Variants in HEATR5B observed in about 807,000 individuals in gnomAD.
HEATR5B encodes HEAT repeat-containing protein 5B.
HEATR5B carries 156 observed loss-of-function variants against 224.1 expected under a neutral mutation model. That is an observed-to-expected ratio of 0.70 (90% CI 0.61 to 0.80). HEATR5B has a LOEUF of 0.80. HEATR5B is among the 30% of genes least tolerant of loss of function. The pLI, the probability that HEATR5B is intolerant of heterozygous loss-of-function variation, is 0.00. For missense variants in HEATR5B, 2,323 were observed against 2,535.5 expected, an observed-to-expected ratio of 0.92 and a Z score of 1.80; for synonymous variants, 1,027 against 893.0, an observed-to-expected ratio of 1.15 and a Z score of -2.68.
chr2:36,990,825 T>G lies in HEATR5B; in HGVS notation c.5546-26A>C, dbSNP rs553436169. 3.7e-4 allele frequency: 563 copies of G among 1,527,708 alleles called. 5 individuals are homozygous for G. The South Asian group carries it at 6.2e-3, about 17-fold the overall frequency. The allele number at this position is 1,527,708 out of a possible 1,614,324, so 94.6% of individuals were successfully genotyped here. A position where few individuals can be genotyped will look rare whatever the true frequency, so the allele number is the denominator to read the frequency against. On this transcript the variant is annotated intron_variant, in intron 33 of 35. Transcript: ENST00000233099. ...CTGAAAATGAAAAATGAAAGAAGTG[T>G]GCTGTTTCTAAAACATTTTGGCATT...
intron 35 of HEATR5B, among the ~76,000 whole-genome samples, chr2:36,986,090 A>G (rs1361936167): frequency 1.3e-5 from 2 of 152,212 alleles, no homozygotes; most frequent in African/African-American, 4.8e-5. Flanking sequence ...TTTAAATACT[A>G]GAACGCAATA....
In HEATR5B at chr2:37,060,668, A is replaced by C; in HGVS notation, c.1762T>G (p.Ser588Ala). 1 of 1,614,008 alleles carries C rather than the reference A, an allele frequency of 6.2e-7. No homozygotes were observed. The highest frequency in any genetic ancestry group is 8.5e-7 in the Non-Finnish European group (1 of 1,179,948). ...TTCTCAGCTTCCAATTCCTTTAAGG[A>C]ACGTGGGAAAACATTTCGCCACAAT... ...LLLWRNVFPRSLKELEAEKAR... is the reference protein window; with the variant it reads ...LLLWRNVFPRALKELEAEKAR... Residue 588 changes from serine (S) to alanine (A), a missense_variant, in exon 12 of 36, where the codon TCC (serine) becomes GCC (alanine). Physicochemically the swap from Ser to Ala is moderately conservative, Grantham distance 99. Transcript: ENST00000233099.
chr2:37,079,133 A>G lies in HEATR5B; in HGVS notation c.325T>C (p.Leu109=), dbSNP rs1672401581. 1.3e-6 allele frequency: 2 copies of G among 1,596,498 alleles called. No homozygotes were observed. Among genetic ancestry groups the G allele is most frequent in the African/African-American group, 1.3e-5 (1 of 74,706 alleles). Residue 109 remains leucine, a synonymous_variant, in exon 3 of 36, where the codon TTA becomes CTA. Coordinates refer to ENST00000233099, the MANE Select transcript of HEATR5B (RefSeq NM_019024.3). The stretch of plus-strand genomic sequence containing the variant: ...GTAAGTACTTACAATTTTGTTGGTA[A>G]GTAGGCCGCAGTGTCATCTTTATTT... The part of the protein sequence containing the change: ...IRNKDDTAAY[L]PTKLAAVACV...
At chr2:37,003,251 TC>T (rs1293580834) in intron 31 of HEATR5B, among the ~76,000 whole-genome samples, 2 of 100,646 alleles carry the variant, frequency 2.0e-5, no homozygotes, top group Non-Finnish European at 3.6e-5. Flanking sequence ...AGTAAGACTG[TC>T]CCGCCCGCAA....
intron 29 of HEATR5B, among the ~76,000 whole-genome samples, chr2:37,006,404 A>G (rs1206257356): frequency 1.3e-5 from 2 of 152,204 alleles, no homozygotes; most frequent in Non-Finnish European, 2.9e-5. Flanking sequence ...CTCAGCACCC[A>G]GCCGAGGTGG....
At chr2:37,065,976 T>C (rs1671564885) in intron 8 of HEATR5B, 66 bp from the exon 9 acceptor site, 2 of 1,459,696 alleles carry the variant, frequency 1.4e-6, no homozygotes, top group Non-Finnish European at 1.9e-6. Context: ...TTTTGGTCTA[T>C]ACAATTTATG....
intron 14 of HEATR5B, 91 bp from the exon 15 acceptor site, chr2:37,057,571 G>A: frequency 6.5e-6 from 5 of 770,988 alleles, no homozygotes; most frequent in South Asian, 2.2e-5. Flanking sequence ...ATGTTCAACA[G>A]GAATAAAATA....
intron 2 of HEATR5B, 95 bp from the exon 3 acceptor site, chr2:37,079,426 A>C: frequency 3.2e-6 from 2 of 617,616 alleles, no homozygotes; most frequent in Non-Finnish European, 5.6e-6. Context: ...AAGGCACTCT[A>C]ATAATTAAAA....
intron 21 of HEATR5B, among the ~76,000 whole-genome samples, 176 bp downstream of exon 21, chr2:37,037,679 T>C (rs1193047506): frequency 2.0e-5 from 3 of 152,220 alleles, no homozygotes; most frequent in African/African-American, 7.2e-5. Flanking sequence ...TGATAAATGC[T>C]TGAGGTGATG....
At chr2:37,082,409 T>A (rs188944175) in intron 2 of HEATR5B, among the ~76,000 whole-genome samples, 1 of 151,986 alleles carries the variant, frequency 6.6e-6, no homozygotes, top group Non-Finnish European at 1.5e-5. Context: ...GAATATAAAA[T>A]ACACAGACAA....
At position 36,990,538 on chromosome 2, in the gene HEATR5B, G is replaced by A; in HGVS notation, c.5697+110C>T. On this transcript the variant is annotated intron_variant, in intron 34 of 35. Coordinates refer to ENST00000233099, the MANE Select transcript of HEATR5B (RefSeq NM_019024.3). ...TCAGTTTTTCCATTTAAAAGCCATAGTGCAAATACTTAGCTTTTCATTATG... is the reference window on the plus strand; with the variant it reads ...TCAGTTTTTCCATTTAAAAGCCATAATGCAAATACTTAGCTTTTCATTATG... 7 of 997,944 alleles carry A rather than the reference G, an allele frequency of 7.0e-6. No individual in the cohort carries two copies. The South Asian group carries it at 1.4e-4, about 20-fold the overall frequency. The allele number at this position is 997,944 out of a possible 1,614,324, so 61.8% of individuals were successfully genotyped here.
At chr2:37,061,495 A>G (rs921283738) in intron 11 of HEATR5B, among the ~76,000 whole-genome samples, 2 of 152,212 alleles carry the variant, frequency 1.3e-5, no homozygotes, top group African/African-American at 4.8e-5. Context: ...ACTATGTACA[A>G]TGTTAAATTT....
At chr2:36,982,719 T>C (rs1324985574) in intron 35 of HEATR5B, among the ~76,000 whole-genome samples, 1 of 152,160 alleles carries the variant, frequency 6.6e-6, no homozygotes, top group African/African-American at 2.4e-5. Flanking sequence ...CCCTATTTTC[T>C]TTCCCTGCTG....
intron 7 of HEATR5B, among the ~76,000 whole-genome samples, 183 bp downstream of exon 7, chr2:37,070,047 G>A (rs1013306846): frequency 1.3e-5 from 2 of 151,956 alleles, no homozygotes; most frequent in Admixed American, 1.3e-4. Context: ...ACAGGCATGC[G>A]CCACCACACC....
chr2:37,064,026 C>T (rs1190680811), intron 10 of HEATR5B, among the ~76,000 whole-genome samples: 2 of 152,092 alleles, frequency 1.3e-5, no homozygotes, highest in Admixed American at 6.5e-5. Context: ...GTTAACCAGG[C>T]TGGTGTCAAA....
chr2:37,033,408 C>T (rs1481001902), intron 21 of HEATR5B, among the ~76,000 whole-genome samples: 3 of 152,152 alleles, frequency 2.0e-5, no homozygotes, highest in Non-Finnish European at 4.4e-5. Flanking sequence ...TTATTTTACA[C>T]ATGGTCCTAT....
At chr2:37,023,794 T>TA (rs1327704396) in intron 24 of HEATR5B, among the ~76,000 whole-genome samples, 24 of 151,450 alleles carry the variant, frequency 1.6e-4, no homozygotes, top group Admixed American at 1.6e-3. Context: ...GATAAATAAA[T>TA]AAAATAAAAA....
At chr2:37,083,469 G>A (rs1672748972) in intron 1 of HEATR5B, 33 bp from the exon 2 acceptor site, 9 of 1,479,826 alleles carry the variant, frequency 6.1e-6, no homozygotes, top group Non-Finnish European at 8.4e-6. Context: ...ATACTTGTAA[G>A]TATTTTTTAA....
intron 11 of HEATR5B, among the ~76,000 whole-genome samples, chr2:37,061,442 C>T (rs1287642161): frequency 6.6e-6 from 1 of 152,144 alleles, no homozygotes; most frequent in African/African-American, 2.4e-5. Flanking sequence ...AACATATGAA[C>T]TAAAATATGA....
Sources: allele counts gnomAD v4.1 joint callset (sites outside exome capture counted in the v4.1 genomes callset), GRCh38; gene constraint gnomAD v4.1.1; transcripts MANE v1.5; gene names NCBI Gene and HGNC (gene_info 2026-07-23, HGNC 2026-07-21).